Variants in CCDC85A observed in about 807,000 individuals in gnomAD.
CCDC85A encodes the protein coiled-coil domain containing 85A, also known as coiled-coil domain-containing protein 85A.
Under a neutral mutation model 50.2 loss-of-function variants are expected in CCDC85A, and 38 were observed. The observed-to-expected ratio is 0.76, with a 90% CI of 0.58 to 0.99. CCDC85A has a LOEUF of 0.99. CCDC85A is among the 50% of genes least tolerant of loss of function. The pLI, the probability that CCDC85A is intolerant of heterozygous loss-of-function variation, is 0.00. For synonymous variants in CCDC85A, 366 were observed against 301.4 expected (o/e 1.21, Z -2.22); for missense variants, 820 against 742.0 (o/e 1.11, Z -1.22).
chr2:56,344,843 C>T (rs1674556098), intron 3 of CCDC85A, among the ~76,000 whole-genome samples: 1 of 151,586 alleles, frequency 6.6e-6, no homozygotes, highest in Admixed American at 6.6e-5. Flanking sequence ...AAAAAAAATC[C>T]AAGTGATTTT....
At chr2:56,377,046 A>G (rs545067309) in intron 5 of CCDC85A, among the ~76,000 whole-genome samples, 5 of 152,346 alleles carry the variant, frequency 3.3e-5, no homozygotes, top group African/African-American at 1.2e-4. Context: ...CCCTCAGGAT[A>G]TTTTGCTTTA....
chr2:56,365,419 C>G (rs776572220), intron 3 of CCDC85A, among the ~76,000 whole-genome samples: 1 of 152,126 alleles, frequency 6.6e-6, no homozygotes, highest in Non-Finnish European at 1.5e-5. Flanking sequence ...TTCATATTAA[C>G]ATGCTTCTAA....
At chr2:56,355,968 A>C (rs1323900511) in intron 3 of CCDC85A, among the ~76,000 whole-genome samples, 1 of 152,262 alleles carries the variant, frequency 6.6e-6, no homozygotes, top group Non-Finnish European at 1.5e-5. Context: ...GAGGCTTTTT[A>C]ATAGCCAAGC....
chr2:56,336,246 C>A (rs1179432887), intron 2 of CCDC85A, among the ~76,000 whole-genome samples: 1 of 152,076 alleles, frequency 6.6e-6, no homozygotes, highest in African/African-American at 2.4e-5. Context: ...CCTCCACCTC[C>A]CAGGTTCAAG....
intron 2 of CCDC85A, among the ~76,000 whole-genome samples, chr2:56,292,234 T>A (rs1181390499): frequency 6.6e-6 from 1 of 151,982 alleles, no homozygotes; most frequent in African/African-American, 2.4e-5. Flanking sequence ...AGGCAACCAC[T>A]ACCACACCTG....
rs145476023 is a variant in CCDC85A, at chr2:56,206,598, A to T, written c.1240+13158A>T. 3.5e-3 allele frequency among the ~76,000 whole-genome samples: 538 copies of T among 152,258 alleles called. 7 individuals carry two copies. Among genetic ancestry groups the T allele is most frequent in the African/African-American group, 0.012 (506 of 41,564 alleles). ...TAACAGGCCCACTATCTTGATAACT[A>T]ACCCACTCCCATGATAACAATATTA... On this transcript the variant is annotated intron_variant, in intron 2 of 5. Coordinates refer to ENST00000407595, the MANE Select transcript of CCDC85A (RefSeq NM_001080433.2).
intron 3 of CCDC85A, among the ~76,000 whole-genome samples, chr2:56,362,785 AT>A (rs1182604851): frequency 4.1e-4 from 62 of 151,688 alleles, no homozygotes; most frequent in Non-Finnish European, 6.5e-4. Context: ...CACCCGGCTA[AT>A]TTTTTGTATT....
At chr2:56,232,726 C>T (rs769311699) in intron 2 of CCDC85A, among the ~76,000 whole-genome samples, 1 of 152,172 alleles carries the variant, frequency 6.6e-6, no homozygotes, top group Non-Finnish European at 1.5e-5. Context: ...TGATCTAATA[C>T]ACATCCCCTC....
intron 2 of CCDC85A, among the ~76,000 whole-genome samples, chr2:56,321,805 A>G (rs1558640211): frequency 6.6e-6 from 1 of 152,208 alleles, no homozygotes; most frequent in Non-Finnish European, 1.5e-5. Flanking sequence ...TAAAGTTCAT[A>G]TGGAACCAAA....
intron 2 of CCDC85A, among the ~76,000 whole-genome samples, chr2:56,285,342 G>A (rs888218449): frequency 6.6e-6 from 1 of 150,678 alleles, no homozygotes; most frequent in African/African-American, 2.4e-5. Flanking sequence ...GACGTTAAGT[G>A]ATCCACCTAC....
intron 2 of CCDC85A, among the ~76,000 whole-genome samples, chr2:56,289,158 C>G (rs996868417): frequency 1.3e-5 from 2 of 152,172 alleles, no homozygotes; most frequent in African/African-American, 4.8e-5. Flanking sequence ...CCCATGATTT[C>G]TTATTATCAG....
intron 2 of CCDC85A, among the ~76,000 whole-genome samples, chr2:56,201,496 C>G (rs1676748062): frequency 6.6e-6 from 1 of 152,100 alleles, no homozygotes; most frequent in African/African-American, 2.4e-5. Flanking sequence ...GAAAAGTCTT[C>G]TCATCTTTCT....
At chr2:56,318,720 A>G (rs1206072828) in intron 2 of CCDC85A, among the ~76,000 whole-genome samples, 1 of 152,138 alleles carries the variant, frequency 6.6e-6, no homozygotes, top group Non-Finnish European at 1.5e-5. Context: ...AATTTATTCA[A>G]TGGTACTCCA....
intron 2 of CCDC85A, among the ~76,000 whole-genome samples, chr2:56,246,446 C>T (rs560704952): frequency 6.6e-6 from 1 of 151,324 alleles, no homozygotes; most frequent in South Asian, 2.1e-4. Flanking sequence ...CCCACATAAT[C>T]AAAAGTCATG....
At chr2:56,251,533 C>T (rs1298969169) in intron 2 of CCDC85A, among the ~76,000 whole-genome samples, 1 of 152,020 alleles carries the variant, frequency 6.6e-6, no homozygotes, top group Non-Finnish European at 1.5e-5. Flanking sequence ...TTGTTTGTAT[C>T]ATGTTGCAAC....
intron 2 of CCDC85A, among the ~76,000 whole-genome samples, chr2:56,219,385 T>C (rs1326048681): frequency 6.6e-6 from 1 of 151,592 alleles, no homozygotes; most frequent in Non-Finnish European, 1.5e-5. Flanking sequence ...AAATAGTCCA[T>C]GATCTTGCAT....
intron 2 of CCDC85A, among the ~76,000 whole-genome samples, chr2:56,292,473 G>A (rs1573190999): frequency 6.6e-6 from 1 of 152,106 alleles, no homozygotes; most frequent in East Asian, 1.9e-4. Flanking sequence ...GTCTTCACAG[G>A]GACCTATAGA....
At chr2:56,213,651 C>T (rs1677271751) in intron 2 of CCDC85A, among the ~76,000 whole-genome samples, 1 of 151,882 alleles carries the variant, frequency 6.6e-6, no homozygotes, top group Non-Finnish European at 1.5e-5. Flanking sequence ...TGAACTGCCT[C>T]TTAAAATTTT....
chr2:56,276,692 T>C (rs1358155896), intron 2 of CCDC85A, among the ~76,000 whole-genome samples: 1 of 152,210 alleles, frequency 6.6e-6, no homozygotes, highest in African/African-American at 2.4e-5. Context: ...GCCCAGTCTC[T>C]GATATGTCTT....
Sources: gnomAD v4.1 joint callset for allele counts (sites outside exome capture counted in the v4.1 genomes callset) on GRCh38, gnomAD v4.1.1 for gene constraint, MANE v1.5 for transcripts, NCBI Gene and HGNC (gene_info 2026-07-23, HGNC 2026-07-21) for gene names.